The following TBCD variants were observed in gnomAD, a reference collection of about 807,000 sequenced individuals.
TBCD encodes the protein tubulin-specific chaperone D.
Under a neutral mutation model 169.3 loss-of-function variants are expected in TBCD, and 105 were observed. The observed-to-expected ratio is 0.62, with a 90% confidence interval of 0.53 to 0.73. The LOEUF (loss-of-function observed/expected upper bound fraction) is 0.73, where lower values mean the gene tolerates loss of function less well. TBCD is among the 30% of genes least tolerant of loss of function. TBCD has a pLI of 0.00. For missense variants in TBCD, 1,444 were observed against 1,600.1 expected (o/e 0.90, Z 1.66); for synonymous variants, 700 against 643.9 (o/e 1.09, Z -1.32).
At chr17:82,767,788 C>T (rs34775043) in intron 4 of TBCD, among the ~76,000 whole-genome samples, 1 of 151,960 alleles carries the variant, frequency 6.6e-6, no homozygotes, top group Non-Finnish European at 1.5e-5. Flanking sequence ...AACCCTGTGT[C>T]TACAAAAAAT....
intron 13 of TBCD, among the ~76,000 whole-genome samples, chr17:82,815,235 C>T (rs2051785390): frequency 6.6e-6 from 1 of 152,218 alleles, no homozygotes; most frequent in African/African-American, 2.4e-5. Context: ...CCACAGATTA[C>T]CCTGTGTAGC....
At chr17:82,827,138 G>A (rs1468139539) in intron 13 of TBCD, among the ~76,000 whole-genome samples, 2 of 152,174 alleles carry the variant, frequency 1.3e-5, no homozygotes, top group Non-Finnish European at 2.9e-5. Flanking sequence ...AAGTAGCTAG[G>A]AATGGCAGAA....
chr17:82,889,807 G>C lies in TBCD; in HGVS notation c.1563+110G>C. The C allele has an allele frequency of 7.8e-7, 1 of 1,283,452 alleles. No individual in the cohort carries two copies. The allele number at this position is 1,283,452 out of a possible 1,614,324, so 79.5% of individuals were successfully genotyped here. On this transcript the variant is annotated intron_variant, in intron 16 of 38. Coordinates refer to ENST00000355528, the MANE Select transcript of TBCD (RefSeq NM_005993.5). This position sits in a 1 kb window ranked among gnomAD's most constrained non-coding sequence, Gnocchi z 5.3. ...TTCTCGCACTGTGAGATGTGGTGTG[G>C]CTACATCAATGCCAGGGTCATGAGT...
chr17:82,783,430 C>T (rs2049086249), intron 7 of TBCD, among the ~76,000 whole-genome samples: 1 of 152,212 alleles, frequency 6.6e-6, no homozygotes, highest in East Asian at 1.9e-4. Context: ...CTGTAGTTTT[C>T]TGTGCGGTCA....
intron 13 of TBCD, among the ~76,000 whole-genome samples, chr17:82,855,033 G>C (rs536654281): frequency 6.6e-6 from 1 of 151,896 alleles, no homozygotes; most frequent in Non-Finnish European, 1.5e-5. Flanking sequence ...TTGGGGCGTC[G>C]CATCTCCCTG....
intron 13 of TBCD, chr17:82,829,999 G>A (rs1598765268): frequency 2.8e-6 from 1 of 354,048 alleles, no homozygotes; most frequent in Non-Finnish European, 4.1e-6. Context: ...AGGGTTTTTT[G>A]TTTGTTTGTT....
intron 14 of TBCD, among the ~76,000 whole-genome samples, chr17:82,872,757 G>A (rs769482565): frequency 3.9e-5 from 6 of 152,262 alleles, no homozygotes; most frequent in African/African-American, 9.6e-5. Flanking sequence ...AGGGGCCACC[G>A]TCATTCTGGT....
intron 13 of TBCD, chr17:82,858,494 G>A (rs2056499640): frequency 1.1e-6 from 1 of 873,926 alleles, no homozygotes; most frequent in Non-Finnish European, 1.4e-6. Flanking sequence ...TGGCTGGGCA[G>A]TTCTACAGGT....
chr17:82,813,916 C>T (rs932898414), intron 12 of TBCD, among the ~76,000 whole-genome samples: 9 of 152,262 alleles, frequency 5.9e-5, no homozygotes, highest in East Asian at 1.9e-4. Context: ...AGCCACTGGG[C>T]GGACAGGCAC....
chr17:82,819,687 C>T (rs529781203), intron 13 of TBCD, among the ~76,000 whole-genome samples: 1 of 152,254 alleles, frequency 6.6e-6, no homozygotes, highest in South Asian at 2.1e-4. Flanking sequence ...GGACAGTGGG[C>T]CATGTTCTTT....
intron 28 of TBCD, chr17:82,926,819 G>A: frequency 4.0e-6 from 2 of 506,036 alleles, no homozygotes; most frequent in South Asian, 2.4e-5. Context: ...ACGCACCTGG[G>A]GCCACGCCAT....
chr17:82,910,594 TCTCA>T (rs1310031769), intron 22 of TBCD, among the ~76,000 whole-genome samples: 3 of 151,898 alleles, frequency 2.0e-5, no homozygotes, highest in Non-Finnish European at 2.9e-5. Flanking sequence ...GGAGAAGCAG[TCTCA>T]CTCTGTCGCC....
At chr17:82,938,687 G>A (rs150354982) in intron 36 of TBCD, among the ~76,000 whole-genome samples, 5 of 152,222 alleles carry the variant, frequency 3.3e-5, no homozygotes, top group African/African-American at 9.6e-5. Context: ...GGGTGGGCCC[G>A]GGGCTCAGAC....
chr17:82,865,633 A>G, intron 13 of TBCD: 1 of 752,460 alleles, frequency 1.3e-6, no homozygotes, highest in Non-Finnish European at 1.6e-6. Context: ...CTACATCTGC[A>G]GAAGTCCAGC....
chr17:82,926,102 C>T (rs554823013), intron 27 of TBCD, among the ~76,000 whole-genome samples: 10 of 46,266 alleles, frequency 2.2e-4, no homozygotes, highest in Non-Finnish European at 3.1e-4. Context: ...TGGAGGTGAC[C>T]TCTCCCCGGG....
At chr17:82,937,714 TG>T in intron 35 of TBCD, 1 of 698,286 alleles carries the variant, frequency 1.4e-6, no homozygotes, top group Non-Finnish European at 2.3e-6. Flanking sequence ...GGCGCTCAGG[TG>T]GACACTGGGC....
chr17:82,892,788 A>G (rs546196929), intron 16 of TBCD, among the ~76,000 whole-genome samples: 2 of 152,160 alleles, frequency 1.3e-5, no homozygotes, highest in South Asian at 2.1e-4. Context: ...TGTCATTTGT[A>G]TTTTCTTAGG....
intron 23 of TBCD, among the ~76,000 whole-genome samples, chr17:82,919,987 G>A (rs2061318175): frequency 6.6e-6 from 1 of 152,230 alleles, no homozygotes; most frequent in Non-Finnish European, 1.5e-5. Flanking sequence ...GGTAGAGACG[G>A]TGGGAGCTAG....
At chr17:82,891,554 A>G (rs2059139098) in intron 16 of TBCD, among the ~76,000 whole-genome samples, 1 of 152,220 alleles carries the variant, frequency 6.6e-6, no homozygotes, top group South Asian at 2.1e-4. Flanking sequence ...AACATTTGAG[A>G]AGAAGGTCGA....
Sources: gnomAD v4.1 joint callset for allele counts (sites outside exome capture counted in the v4.1 genomes callset) on GRCh38, gnomAD v4.1.1 for gene constraint, Gnocchi (gnomAD v3.1) non-coding constraint, MANE v1.5 for transcripts, NCBI Gene and HGNC (gene_info 2026-07-23, HGNC 2026-07-21) for gene names.